The following HCN1 variants were observed in gnomAD, a reference collection of about 807,000 sequenced individuals.
The protein encoded by HCN1 is potassium/sodium hyperpolarization-activated cyclic nucleotide-gated channel 1.
In HCN1, 13 loss-of-function variants were observed where a neutral mutation model predicts 78.9. That is an observed-to-expected ratio of 0.16 (90% CI 0.11 to 0.26). The LOEUF is 0.26. Among genes scored for constraint, HCN1 ranks in the 10% least tolerant of loss-of-function variants. The probability of loss-of-function intolerance (pLI) is 1.00; values close to 1 mark genes in which losing one functional copy is unlikely to be tolerated. For synonymous variants in HCN1, 552 were observed against 455.5 expected (o/e 1.21, Z -2.70); for missense variants, 810 against 1,154.3 (o/e 0.70, Z 4.32).
intron 2 of HCN1, among the ~76,000 whole-genome samples, chr5:45,546,346 C>G (rs1338640846): frequency 6.6e-6 from 1 of 151,764 alleles, no homozygotes; most frequent in Non-Finnish European, 1.5e-5. Context: ...TTCAAATCAG[C>G]AAGTTTTAAA....
Position 45,655,217 on chromosome 5 carries a change from C to T in HCN1, c.426-9609G>A, listed in dbSNP as rs984308034. On this transcript the variant is annotated intron_variant, in intron 1 of 7. Coordinates refer to ENST00000303230, the MANE Select transcript of HCN1 (RefSeq NM_021072.4). ...GAATATTAAGGAGGCGGCATTAGGG[C>T]AATAAAGTATTAAATGTTAAATAAA... Among the ~76,000 whole-genome samples, 11 of 151,926 alleles carry T rather than the reference C, an allele frequency of 7.2e-5. No homozygotes were observed. In the South Asian group the frequency reaches 1.9e-3, roughly 26 times the overall value.
At chr5:45,681,593 A>T (rs903020608) in intron 1 of HCN1, among the ~76,000 whole-genome samples, 3 of 152,118 alleles carry the variant, frequency 2.0e-5, no homozygotes, top group Non-Finnish European at 4.4e-5. Flanking sequence ...GTTAAAATTT[A>T]AAAAAATCCT....
At chr5:45,504,568 A>G (rs1474357432) in intron 2 of HCN1, among the ~76,000 whole-genome samples, 1 of 152,134 alleles carries the variant, frequency 6.6e-6, no homozygotes, top group Non-Finnish European at 1.5e-5. Context: ...ATACGTGTGC[A>G]TGTGTCTTTA....
At chr5:45,603,463 C>A (rs1321234659) in intron 2 of HCN1, among the ~76,000 whole-genome samples, 12 of 152,046 alleles carry the variant, frequency 7.9e-5, no homozygotes, top group Non-Finnish European at 1.5e-5. Flanking sequence ...CTAATTTTTA[C>A]AGATGAATAT....
intron 1 of HCN1, among the ~76,000 whole-genome samples, chr5:45,689,333 G>A (rs868069586): frequency 9.9e-5 from 15 of 151,986 alleles, no homozygotes; most frequent in Non-Finnish European, 1.9e-4. Flanking sequence ...AAGAAAGTTT[G>A]GCAAGAAAAG....
chr5:45,307,708 C>T (rs1415527489), intron 5 of HCN1, among the ~76,000 whole-genome samples: 1 of 151,972 alleles, frequency 6.6e-6, no homozygotes, highest in African/African-American at 2.4e-5. Flanking sequence ...ACTAAGGAGA[C>T]ATGACAAGTG....
chr5:45,341,124 C>T (rs1395621621), intron 5 of HCN1, among the ~76,000 whole-genome samples: 1 of 152,124 alleles, frequency 6.6e-6, no homozygotes, highest in East Asian at 1.9e-4. Context: ...TTCACAGAAA[C>T]TTTATGGAAA....
intron 2 of HCN1, among the ~76,000 whole-genome samples, chr5:45,528,557 T>A (rs1020390403): frequency 2.0e-5 from 3 of 151,934 alleles, no homozygotes; most frequent in African/African-American, 7.2e-5. Context: ...ACCAGTTTTA[T>A]CAATATGGAA....
chr5:45,459,368 A>G (rs1342244533), intron 3 of HCN1, among the ~76,000 whole-genome samples: 1 of 151,976 alleles, frequency 6.6e-6, no homozygotes, highest in Admixed American at 6.6e-5. Flanking sequence ...CACAAGAGAA[A>G]ATAAAAACCA....
intron 5 of HCN1, among the ~76,000 whole-genome samples, chr5:45,336,873 T>G (rs1214558081): frequency 6.6e-6 from 1 of 151,978 alleles, no homozygotes; most frequent in African/African-American, 2.4e-5. Flanking sequence ...ATAAAAGCAC[T>G]GATCCCATTC....
At chr5:45,477,284 C>T (rs1272265808) in intron 2 of HCN1, among the ~76,000 whole-genome samples, 1 of 152,000 alleles carries the variant, frequency 6.6e-6, no homozygotes, top group African/African-American at 2.4e-5. Flanking sequence ...GTTTAAGAGA[C>T]TAACACATTG....
chr5:45,561,800 C>T (rs1301156336), intron 2 of HCN1, among the ~76,000 whole-genome samples: 2 of 152,018 alleles, frequency 1.3e-5, no homozygotes, highest in African/African-American at 2.4e-5. Flanking sequence ...ATCACATGTC[C>T]GGTGATTAAT....
intron 2 of HCN1, among the ~76,000 whole-genome samples, chr5:45,502,618 G>T (rs894457796): frequency 6.6e-6 from 1 of 151,802 alleles, no homozygotes; most frequent in Non-Finnish European, 1.5e-5. Flanking sequence ...CAATAAAAAT[G>T]GAAAGAACTT....
In HCN1 at chr5:45,255,899, TAAA is replaced by T. The variant is rs202026319; in HGVS notation, c.*6019_*6021del. 2 of 149,248 alleles carry T rather than the reference TAAA, an allele frequency of 1.3e-5. No homozygotes were observed. The highest frequency in any genetic ancestry group is 3.0e-5 in the Non-Finnish European group (2 of 67,162). The allele number at this position is 149,248 out of a possible 1,614,324, so 9.2% of individuals were successfully genotyped here. The stretch of plus-strand genomic sequence containing the variant: ...TGTTTTTTTGCAAAATTCCGTTATT[TAAA>T]AAAAAAAGTCTGAATAACTCTACGT... On this transcript the variant is annotated 3_prime_UTR_variant, in exon 8 of 8. Coordinates refer to ENST00000303230, the MANE Select transcript of HCN1 (RefSeq NM_021072.4).
intron 5 of HCN1, among the ~76,000 whole-genome samples, chr5:45,326,390 T>A (rs966945977): frequency 2.6e-5 from 4 of 151,684 alleles, no homozygotes; most frequent in Non-Finnish European, 5.9e-5. Context: ...TCTACACTTG[T>A]ACCACAAAAT....
chr5:45,620,409 G>C (rs1413244211), intron 2 of HCN1, among the ~76,000 whole-genome samples: 1 of 151,826 alleles, frequency 6.6e-6, no homozygotes, highest in Non-Finnish European at 1.5e-5. Flanking sequence ...TTCAGAAGCT[G>C]AGTGAAAGTT....
At chr5:45,289,423 T>C (rs1745330103) in intron 6 of HCN1, among the ~76,000 whole-genome samples, 2 of 152,112 alleles carry the variant, frequency 1.3e-5, no homozygotes, top group Non-Finnish European at 2.9e-5. Context: ...GAGACATTTA[T>C]GTCACTTTTG....
intron 2 of HCN1, among the ~76,000 whole-genome samples, chr5:45,516,812 T>C (rs1742524468): frequency 6.6e-6 from 1 of 151,998 alleles, no homozygotes; most frequent in African/African-American, 2.4e-5. Flanking sequence ...ATATTATTAG[T>C]TCATACTGTC....
chr5:45,329,366 T>C (rs567216961), intron 5 of HCN1, among the ~76,000 whole-genome samples: 3 of 151,604 alleles, frequency 2.0e-5, no homozygotes, highest in South Asian at 4.1e-4. Context: ...AATATTAGCA[T>C]AGAGTCAATT....
Sources: allele counts gnomAD v4.1 joint callset (sites outside exome capture counted in the v4.1 genomes callset), GRCh38; gene constraint gnomAD v4.1.1; transcripts MANE v1.5; gene names NCBI Gene and HGNC (gene_info 2026-07-23, HGNC 2026-07-21).